The following SLC6A11 variants were observed in gnomAD, a reference collection of about 807,000 sequenced individuals.
SLC6A11 encodes solute carrier family 6 member 11, also known as sodium- and chloride-dependent GABA transporter 3.
SLC6A11 carries 25 observed loss-of-function variants against 74.8 expected under a neutral mutation model. The observed-to-expected ratio is 0.33, with a 90% confidence interval of 0.24 to 0.47. The LOEUF (loss-of-function observed/expected upper bound fraction) is 0.47, where lower values mean the gene tolerates loss of function less well. Ranked by LOEUF, SLC6A11 falls within the 20% of genes least tolerant of loss-of-function variation. The pLI, the probability that SLC6A11 is intolerant of heterozygous loss-of-function variation, is 1.00. For synonymous variants in SLC6A11, 330 were observed against 330.2 expected (o/e 1.00, Z 0.01); for missense variants, 574 against 837.0 (o/e 0.69, Z 3.88).
In SLC6A11 at chr3:10,899,447, A is replaced by G. The variant is rs752754799; in HGVS notation, c.892-12643A>G. ...TTCCTGCATCCTTGGTATGACTACC[A>G]TAAGCATTTTCCTACTTGGGAACTT... On this transcript the variant is annotated intron_variant, in intron 6 of 13. Coordinates refer to ENST00000254488, the MANE Select transcript of SLC6A11 (RefSeq NM_014229.3). Among the ~76,000 whole-genome samples the G allele has an allele frequency of 1.6e-4, 25 of 152,232 alleles. 1 individual carries two copies. Among genetic ancestry groups the G allele is most frequent in the Non-Finnish European group, 1.9e-4 (13 of 68,038 alleles).
At chr3:10,873,532 GTCCTATCCTA>G (rs1208134845) in intron 5 of SLC6A11, among the ~76,000 whole-genome samples, 2 of 76,672 alleles carry the variant, frequency 2.6e-5, no homozygotes, top group Admixed American at 1.5e-4. Context: ...ATCCTATCCT[GTCCTATCCTA>G]TCCTATCCTA....
intron 9 of SLC6A11, among the ~76,000 whole-genome samples, chr3:10,927,286 A>G (rs1458643656): frequency 6.6e-6 from 1 of 152,194 alleles, no homozygotes; most frequent in Non-Finnish European, 1.5e-5. Context: ...AGAGGGAGGC[A>G]GGGGCTGGGG....
chr3:10,931,986 C>T (rs188123904), intron 10 of SLC6A11, among the ~76,000 whole-genome samples: 1 of 152,298 alleles, frequency 6.6e-6, no homozygotes, highest in East Asian at 1.9e-4. Flanking sequence ...CATTCCAGCC[C>T]CCTAATGCAC....
intron 5 of SLC6A11, among the ~76,000 whole-genome samples, chr3:10,853,742 C>A (rs897968538): frequency 6.6e-6 from 1 of 152,192 alleles, no homozygotes; most frequent in African/African-American, 2.4e-5. Flanking sequence ...GACATAAAGT[C>A]ACCTGACCAT....
chr3:10,843,382 G>T (rs1417509538), intron 4 of SLC6A11, among the ~76,000 whole-genome samples: 1 of 152,020 alleles, frequency 6.6e-6, no homozygotes, highest in Non-Finnish European at 1.5e-5. Flanking sequence ...TCTGATCCCT[G>T]CCTCCCAGCT....
At chr3:10,841,845 A>G (rs956063492) in intron 4 of SLC6A11, among the ~76,000 whole-genome samples, 2 of 152,168 alleles carry the variant, frequency 1.3e-5, no homozygotes, top group Non-Finnish European at 2.9e-5. Context: ...GCATGTGTGC[A>G]TGTGCATACG....
chr3:10,867,500 A>G (rs1226332461), intron 5 of SLC6A11, among the ~76,000 whole-genome samples: 2 of 152,168 alleles, frequency 1.3e-5, no homozygotes, highest in Admixed American at 1.3e-4. Context: ...TAATAGCAGC[A>G]TTTTCCAAGG....
chr3:10,874,796 A>G (rs950989784), intron 5 of SLC6A11, among the ~76,000 whole-genome samples, 165 bp from the exon 6 acceptor site: 1 of 152,194 alleles, frequency 6.6e-6, no homozygotes, highest in Non-Finnish European at 1.5e-5. Flanking sequence ...TGGCTTGTAC[A>G]GATGAATGGA....
chr3:10,828,894 A>G (rs1037383787), intron 4 of SLC6A11, among the ~76,000 whole-genome samples: 2 of 152,180 alleles, frequency 1.3e-5, no homozygotes, highest in Non-Finnish European at 2.9e-5. Flanking sequence ...GCTGGCAAGG[A>G]CGATGTCTGT....
At chr3:10,860,638 G>T (rs892323950) in intron 5 of SLC6A11, among the ~76,000 whole-genome samples, 1 of 152,256 alleles carries the variant, frequency 6.6e-6, no homozygotes, top group Non-Finnish European at 1.5e-5. Flanking sequence ...ATTGGAACTG[G>T]CCATACTGGG....
chr3:10,885,067 C>T (rs1695026599), intron 6 of SLC6A11, among the ~76,000 whole-genome samples: 1 of 152,212 alleles, frequency 6.6e-6, no homozygotes, highest in East Asian at 1.9e-4. Flanking sequence ...TCCTCTTGAT[C>T]ACCGCTGCTC....
At chr3:10,928,708 A>T (rs1037824531) in intron 9 of SLC6A11, among the ~76,000 whole-genome samples, 1 of 152,140 alleles carries the variant, frequency 6.6e-6, no homozygotes, top group Non-Finnish European at 1.5e-5. Context: ...GCCAGAAAGA[A>T]AGGGCAGGGA....
At chr3:10,820,509 C>T (rs993680945) in intron 3 of SLC6A11, among the ~76,000 whole-genome samples, 7 of 152,194 alleles carry the variant, frequency 4.6e-5, no homozygotes, top group African/African-American at 1.7e-4. Flanking sequence ...AAACCCCACC[C>T]AGCTCACTTT....
At chr3:10,908,111 A>G (rs189333429) in intron 6 of SLC6A11, among the ~76,000 whole-genome samples, 36 of 152,322 alleles carry the variant, frequency 2.4e-4, no homozygotes, top group African/African-American at 8.4e-4. Flanking sequence ...AGCCTTGGCA[A>G]CATAGCAAGA....
At chr3:10,864,261 A>T (rs1694737527) in intron 5 of SLC6A11, among the ~76,000 whole-genome samples, 1 of 151,576 alleles carries the variant, frequency 6.6e-6, no homozygotes, top group Admixed American at 6.6e-5. Context: ...ACTATTCCCT[A>T]AGCTCTTAGA....
At chr3:10,873,491 T>A (rs1694858857) in intron 5 of SLC6A11, among the ~76,000 whole-genome samples, 1 of 150,244 alleles carries the variant, frequency 6.7e-6, no homozygotes, top group Non-Finnish European at 1.5e-5. Flanking sequence ...TACCCTACCC[T>A]ATGCTATCCT....
intron 5 of SLC6A11, among the ~76,000 whole-genome samples, chr3:10,857,311 G>T (rs1338200062): frequency 6.6e-6 from 1 of 152,166 alleles, no homozygotes; most frequent in Admixed American, 6.5e-5. Context: ...TGGCTATAGG[G>T]GTTGGGAAGC....
At chr3:10,867,004 G>A (rs1172673778) in intron 5 of SLC6A11, among the ~76,000 whole-genome samples, 1 of 152,154 alleles carries the variant, frequency 6.6e-6, no homozygotes, top group Non-Finnish European at 1.5e-5. Flanking sequence ...AAACCAAAGG[G>A]GAGAAAAATC....
intron 6 of SLC6A11, among the ~76,000 whole-genome samples, chr3:10,877,981 G>C (rs1445997082): frequency 6.6e-6 from 1 of 152,182 alleles, no homozygotes; most frequent in Non-Finnish European, 1.5e-5. Flanking sequence ...GCTGCCACCA[G>C]CCTAGTCCAG....
Sources: allele counts gnomAD v4.1 joint callset (sites outside exome capture counted in the v4.1 genomes callset), GRCh38; gene constraint gnomAD v4.1.1; transcripts MANE v1.5; gene names NCBI Gene and HGNC (gene_info 2026-07-23, HGNC 2026-07-21).